The following GNPTG variants were observed in gnomAD, a reference collection of about 807,000 sequenced individuals.
The protein encoded by GNPTG is N-acetylglucosamine-1-phosphotransferase subunit gamma.
Under a neutral mutation model 43.8 loss-of-function variants are expected in GNPTG, and 46 were observed. The ratio of observed to expected loss-of-function variants is 1.05; its 90% CI spans 0.83 to 1.34. GNPTG has a LOEUF of 1.34. Ranked by LOEUF, GNPTG falls within the 40% of genes most tolerant of loss-of-function variation. GNPTG has a pLI of 0.00. For synonymous variants in GNPTG, 250 were observed against 172.8 expected (o/e 1.45, Z -3.50); for missense variants, 549 against 411.3 (o/e 1.33, Z -2.90).
chr16:1,360,104 C>T (rs1412403037), intron 3 of GNPTG, among the ~76,000 whole-genome samples: 1 of 149,418 alleles, frequency 6.7e-6, no homozygotes, highest in East Asian at 2.0e-4. Context: ...TAGACTCCGT[C>T]TCAAAAAAAA....
At chr16:1,361,371 G>A (rs891504691) in intron 3 of GNPTG, 11 of 285,794 alleles carry the variant, frequency 3.8e-5, no homozygotes, top group Non-Finnish European at 6.2e-5. Flanking sequence ...TTGGCCGGGC[G>A]CGGTGGCTCA....
intron 3 of GNPTG, among the ~76,000 whole-genome samples, chr16:1,359,288 A>G (rs1340921696): frequency 6.6e-6 from 1 of 151,066 alleles, no homozygotes; most frequent in Admixed American, 6.6e-5. Context: ...TTTTTTCCAT[A>G]TAGAGTCTAA....
At chr16:1,361,353 A>ACT in intron 3 of GNPTG, 1 of 271,014 alleles carries the variant, frequency 3.7e-6, no homozygotes, top group Non-Finnish European at 7.3e-6. Flanking sequence ...TTTGTTGAAA[A>ACT]CTGGTCCTTG....
At chr16:1,355,147 A>G (rs1045928936) in intron 3 of GNPTG, among the ~76,000 whole-genome samples, 5 of 150,434 alleles carry the variant, frequency 3.3e-5, no homozygotes, top group Admixed American at 2.0e-4. Flanking sequence ...TCGGGTGTGG[A>G]TGGTCTCCCG....
rs755265539 is a variant in GNPTG, at chr16:1,362,502, C to G, written c.577C>G (p.Gln193Glu). The G allele has an allele frequency of 1.2e-6, 2 of 1,614,088 alleles. No individual in the cohort carries two copies. The change falls in exon 8 of 11, where the codon CAG becomes GAG. Residue 193 changes from glutamine (Q) to glutamate (E), a missense_variant. Gln to Glu is a conservative substitution (Grantham distance 29). Coordinates refer to ENST00000204679, the MANE Select transcript of GNPTG (RefSeq NM_032520.5). Reference sequence around the variant, plus strand: ...GCAGCGGCAGTGGGACCAGGTAGAGCAGGACCTGGCCGATGAGCTGATCAC... The same window carrying G: ...GCAGCGGCAGTGGGACCAGGTAGAGGAGGACCTGGCCGATGAGCTGATCAC... ...ALQRQWDQVE[Q>E]DLADELITPQ...
Position 1,362,191 on chromosome 16 carries a change from A to ACGTTCCCTCCCCAGGTGGAGCTGG in GNPTG, c.412-11_424dup. On this transcript the variant is annotated splice_polypyrimidine_tract_variant and intron_variant, in intron 6 of 10. Transcript: ENST00000204679. ...CCCAGTCTCCCCAACCCACCTACCC[A>ACGTTCCCTCCCCAGGTGGAGCTGG]CGTTCCCTCCCCAGGTGGAGCTGGC... 4 of 1,613,316 alleles carry ACGTTCCCTCCCCAGGTGGAGCTGG rather than the reference A, an allele frequency of 2.5e-6. No homozygotes were observed. The highest frequency in any genetic ancestry group is 3.4e-6 in the Non-Finnish European group (4 of 1,179,866).
At chr16:1,359,229 T>C (rs2034829115) in intron 3 of GNPTG, among the ~76,000 whole-genome samples, 1 of 152,342 alleles carries the variant, frequency 6.6e-6, no homozygotes, top group South Asian at 2.1e-4. Flanking sequence ...CAGTGTTTAT[T>C]TTCTCCCATT....
At position 1,362,034 on chromosome 16, in the gene GNPTG, C is replaced by T; in HGVS notation, c.318-4C>T. On this transcript the variant is annotated splice_region_variant and splice_polypyrimidine_tract_variant and intron_variant, in intron 5 of 10. Transcript: ENST00000204679. ...CCTCACGTGCCGTGCCCGTGTCTCCCCAGCATCTGGCACGAGTGGGAGATC... is the reference window on the plus strand; with the variant it reads ...CCTCACGTGCCGTGCCCGTGTCTCCTCAGCATCTGGCACGAGTGGGAGATC... 6.2e-7 allele frequency: 1 copy of T among 1,612,810 alleles called. No individual in the cohort carries two copies. The highest frequency in any genetic ancestry group is 8.5e-7 in the Non-Finnish European group (1 of 1,179,712).
chr16:1,363,104 A>G lies in GNPTG; in HGVS notation c.*13A>G. ...TGGGAGTTTGTGACCTTGTGGTGGG[A>G]GAGCAGAGGTGGACGCGGCCGAGAG... On this transcript the variant is annotated 3_prime_UTR_variant, in exon 11 of 11. Coordinates refer to ENST00000204679, the MANE Select transcript of GNPTG (RefSeq NM_032520.5). 6.2e-7 allele frequency: 1 copy of G among 1,612,620 alleles called. No homozygotes were observed.
Position 1,363,075 on chromosome 16 carries a change from T to C in GNPTG, c.902T>C (p.Leu301Pro), listed in dbSNP as rs1374068684. The part of the protein sequence containing the change: ...SPEQLRGDPG[L>P]RGSL ...GAGCAGCTGCGGGGTGACCCAGGACTGCGTGGGAGTTTGTGACCTTGTGGT... is the reference window on the plus strand; with the variant it reads ...GAGCAGCTGCGGGGTGACCCAGGACCGCGTGGGAGTTTGTGACCTTGTGGT... The change falls in exon 11 of 11, where the codon CTG (leucine) becomes CCG (proline). Residue 301 changes from leucine to proline, a missense_variant. By Grantham distance (98) the Leu-to-Pro change is moderately conservative (BLOSUM62 -3). Transcript: ENST00000204679. 4 of 1,613,788 alleles carry C rather than the reference T, an allele frequency of 2.5e-6. No homozygotes were observed. Among genetic ancestry groups the C allele is most frequent in the Non-Finnish European group, 3.4e-6 (4 of 1,180,016 alleles).
rs201045559 is a variant in GNPTG at position 1,361,935 on chromosome 16, C to T, written c.297C>T (p.Asn99=). 2.3e-5 allele frequency: 37 copies of T among 1,613,646 alleles called. No individual in the cohort carries two copies. In the East Asian group the frequency reaches 2.9e-4, roughly 13 times the overall value. Residue 99 remains asparagine (N), a synonymous_variant, in exon 5 of 11, where the codon AAC becomes AAT. Coordinates refer to ENST00000204679, the MANE Select transcript of GNPTG (RefSeq NM_032520.5). The stretch of plus-strand genomic sequence containing the variant: ...AGCACGAGCAGACCTTCCGCTGGAA[C>T]GCCTACAGTGGGATCCTCGGGTGAG... ...VTQHEQTFRW[N]AYSGILGIWH... is the part of the protein sequence containing the mutation.
intron 3 of GNPTG, 196 bp downstream of exon 3, chr16:1,352,502 C>G: frequency 1.5e-6 from 1 of 646,782 alleles, no homozygotes; most frequent in South Asian, 1.8e-5. Context: ...CAGACTTAGT[C>G]CTTCCTTTCC....
intron 3 of GNPTG, chr16:1,358,105 C>T (rs1387069635): frequency 6.6e-6 from 1 of 152,272 alleles, no homozygotes; most frequent in East Asian, 1.9e-4. Context: ...CACGAGTTGC[C>T]ACTGGCCTTG....
Position 1,362,889 on chromosome 16 carries a change from C to A in GNPTG, c.806C>A (p.Pro269His), listed in dbSNP as rs1596616485. ...GGTTTGCTCACCCAGCACGGCATCC[C>A]CTACACGAGGCCCACAGGTGAGTCA... ...LKGLLTQHGI[P>H]YTRPTETSNL... The change falls in exon 10 of 11, where the codon CCC (proline) becomes CAC (histidine). Residue 269 changes from proline (P) to histidine (H), a missense_variant. By Grantham distance (77) the Pro-to-His change is moderately conservative. Transcript: ENST00000204679. 1.9e-6 allele frequency: 3 copies of A among 1,614,114 alleles called. 1 individual carries two copies. Among genetic ancestry groups the A allele is most frequent in the Non-Finnish European group, 2.5e-6 (3 of 1,180,022 alleles).
chr16:1,363,195 C>A lies in GNPTG; in HGVS notation c.*104C>A. The A allele has an allele frequency of 2.1e-6, 2 of 932,602 alleles. No individual in the cohort carries two copies. The highest frequency in any genetic ancestry group is 1.4e-5 in the South Asian group (1 of 72,274). The allele number at this position is 932,602 out of a possible 1,614,324, so 57.8% of individuals were successfully genotyped here. On this transcript the variant is annotated 3_prime_UTR_variant, in exon 11 of 11. Coordinates refer to ENST00000204679, the MANE Select transcript of GNPTG (RefSeq NM_032520.5). ...CTGACCAGGCTTGTGCTCAGAGAAG[C>A]AGACAAAACAAAGATTCAAGGTTTT...
At chr16:1,359,923 A>C (rs2034840718) in intron 3 of GNPTG, among the ~76,000 whole-genome samples, 1 of 152,118 alleles carries the variant, frequency 6.6e-6, no homozygotes, top group African/African-American at 2.4e-5. Flanking sequence ...CATCCTGGCC[A>C]ACATGGAGAA....
Position 1,352,020 on chromosome 16 carries a change from G to A in GNPTG, c.52+3G>A. On this transcript the variant is annotated splice_donor_region_variant and intron_variant, in intron 1 of 10. Transcript: ENST00000204679. The stretch of plus-strand genomic sequence containing the variant: ...GCTCCTCGGGCTCTCGGCCGGCGGT[G>A]AGTGGCCCGGCCGTCCGCGTCCCCA... 2 of 1,476,606 alleles carry A rather than the reference G, an allele frequency of 1.4e-6. No homozygotes were observed. The highest frequency in any genetic ancestry group is 2.6e-5 in the South Asian group (2 of 77,500). 91.5% of individuals were successfully genotyped at this position (1,476,606 alleles called of 1,614,324 possible).
At chr16:1,352,855 C>T (rs1269230955) in intron 3 of GNPTG, among the ~76,000 whole-genome samples, 1 of 151,914 alleles carries the variant, frequency 6.6e-6, no homozygotes, top group Non-Finnish European at 1.5e-5. Context: ...GGTTTGCCCT[C>T]AGGTGAGCGG....
Position 1,362,615 on chromosome 16 carries a change from A to C in GNPTG, c.614A>C (p.His205Pro). The C allele has an allele frequency of 6.2e-7, 1 of 1,614,186 alleles. No homozygotes were observed. Among genetic ancestry groups the C allele is most frequent in the Non-Finnish European group, 8.5e-7 (1 of 1,180,032 alleles). The change falls in exon 9 of 11, where the codon CAT (histidine) becomes CCT (proline). Residue 205 changes from histidine (H) to proline (P), a missense_variant. Coordinates refer to ENST00000204679, the MANE Select transcript of GNPTG (RefSeq NM_032520.5). Reference protein sequence around the residue: ...LADELITPQGHEKLLRTLFED... With the variant: ...LADELITPQGPEKLLRTLFED... ...CCCTGCATCCTCCACCTTCAGGGCC[A>C]TGAGAAGTTGCTGAGGACACTTTTT...
Sources: allele counts gnomAD v4.1 joint callset (sites outside exome capture counted in the v4.1 genomes callset), GRCh38; gene constraint gnomAD v4.1.1; transcripts MANE v1.5; gene names NCBI Gene and HGNC (gene_info 2026-07-23, HGNC 2026-07-21).